LYPLA2: variants seen among roughly 807,000 people sequenced by gnomAD.
The protein encoded by LYPLA2 is acyl-protein thioesterase 2.
In LYPLA2, 7 loss-of-function variants were observed where a neutral mutation model predicts 30.3. The observed-to-expected ratio is 0.23, with a 90% CI of 0.13 to 0.43. The LOEUF (loss-of-function observed/expected upper bound fraction) is 0.43, where lower values mean the gene tolerates loss of function less well. LYPLA2 is among the 20% of genes least tolerant of loss of function. The pLI is 1.00. For missense variants in LYPLA2, 206 were observed against 307.9 expected (o/e 0.67, Z 2.48); for synonymous variants, 112 against 118.2 (o/e 0.95, Z 0.34).
rs776058100 is a variant in LYPLA2, at chr1:23,792,771, C to T, written c.78+11C>T. 5.0e-6 allele frequency: 8 copies of T among 1,609,476 alleles called. No homozygotes were observed. Among genetic ancestry groups the T allele is most frequent in the Non-Finnish European group, 5.9e-6 (7 of 1,176,752 alleles). ...CGGGAAACGGCCGCGGTAAGGGTCC[C>T]CTTTCACCCACGGCCAGACACTGTG... On this transcript the variant is annotated intron_variant, in intron 2 of 9. Coordinates refer to ENST00000374514, the MANE Select transcript of LYPLA2 (RefSeq NM_007260.3).
In LYPLA2 at chr1:23,794,860, C is replaced by G. The variant is rs971269386; in HGVS notation, c.*128C>G. On this transcript the variant is annotated 3_prime_UTR_variant, in exon 10 of 10. Transcript: ENST00000374514. The surrounding 1 kb of genome is among the most constrained non-coding windows in gnomAD (Gnocchi z 5.9). The stretch of plus-strand genomic sequence containing the variant: ...TCCTGACCTGTCCTTTTCCCACAGG[C>G]CTCTGGGGGCAGGTGGCAAGGCCTG... The G allele has an allele frequency of 1.8e-6, 2 of 1,124,336 alleles. No individual in the cohort carries two copies. Among genetic ancestry groups the G allele is most frequent in the East Asian group, 2.6e-5 (1 of 39,036 alleles). The allele number at this position is 1,124,336 out of a possible 1,614,324, so 69.6% of individuals were successfully genotyped here. A position where few individuals can be genotyped will look rare whatever the true frequency, so the allele number is the denominator to read the frequency against.
Position 23,793,639 on chromosome 1 carries a change from G to C in LYPLA2, c.177-66G>C. The C allele has an allele frequency of 1.9e-6, 3 of 1,552,536 alleles. No individual in the cohort carries two copies. Among genetic ancestry groups the C allele is most frequent in the Non-Finnish European group, 8.9e-7 (1 of 1,124,108 alleles). The stretch of plus-strand genomic sequence containing the variant: ...ACCAGGGGCGGCGCGGCCCCACTCC[G>C]GGCTCTGAGCTCTGGCCTCCTCATT... On this transcript the variant is annotated intron_variant, in intron 4 of 9. Transcript: ENST00000374514. This position sits in a 1 kb window ranked among gnomAD's most constrained non-coding sequence, Gnocchi z 6.0.
chr1:23,794,827 C>T lies in LYPLA2; in HGVS notation c.*95C>T, dbSNP rs1638896337. 3.6e-6 allele frequency: 5 copies of T among 1,402,836 alleles called. No homozygotes were observed. The highest frequency in any genetic ancestry group is 4.0e-6 in the Non-Finnish European group (4 of 1,004,436). The allele number at this position is 1,402,836 out of a possible 1,614,324, so 86.9% of individuals were successfully genotyped here. A position where few individuals can be genotyped will look rare whatever the true frequency, so the allele number is the denominator to read the frequency against. ...GATCTGAGCCGGTCGAGCCCCTGTC[C>T]CCACCCTTCCTGACCTGTCCTTTTC... On this transcript the variant is annotated 3_prime_UTR_variant, in exon 10 of 10. Transcript: ENST00000374514. The surrounding 1 kb of genome is among the most constrained non-coding windows in gnomAD (Gnocchi z 5.9).
Position 23,793,511 on chromosome 1 carries a change from G to T in LYPLA2, c.177-194G>T. ...CCCGTCACACCAAGCGCTGGGCTCT[G>T]CTTCTCCATTACTGGCGCTTTGCCC... On this transcript the variant is annotated intron_variant, in intron 4 of 9. Coordinates refer to ENST00000374514, the MANE Select transcript of LYPLA2 (RefSeq NM_007260.3). The surrounding 1 kb of genome is among the most constrained non-coding windows in gnomAD (Gnocchi z 6.0). The T allele has an allele frequency of 1.5e-6, 1 of 674,602 alleles. No homozygotes were observed. The highest frequency in any genetic ancestry group is 2.6e-6 in the Non-Finnish European group (1 of 381,432). The allele number at this position is 674,602 out of a possible 1,614,324, so 41.8% of individuals were successfully genotyped here.
At chr1:23,791,284 T>C (rs1638786051) in intron 1 of LYPLA2, 34 bp downstream of exon 1, 1 of 110,260 alleles carries the variant, frequency 9.1e-6, no homozygotes, top group African/African-American at 3.6e-5. Context: ...GATGGGCGTG[T>C]AGGGGGAGGT....
chr1:23,792,486 T>A (rs1638815950), intron 1 of LYPLA2, 171 bp from the exon 2 acceptor site: 7 of 590,178 alleles, frequency 1.2e-5, no homozygotes, highest in Admixed American at 9.0e-5. Flanking sequence ...CTTTCAGCCC[T>A]GGAACTGAGG....
intron 1 of LYPLA2, among the ~76,000 whole-genome samples, 187 bp downstream of exon 1, chr1:23,791,437 A>T (rs909262716): frequency 4.6e-5 from 7 of 152,086 alleles, no homozygotes; most frequent in Non-Finnish European, 8.8e-5. Flanking sequence ...CTGAGTATAA[A>T]GAGACAGACT....
chr1:23,792,865 C>A (rs1393013764), intron 2 of LYPLA2, 105 bp downstream of exon 2: 16 of 1,327,944 alleles, frequency 1.2e-5, no homozygotes, highest in Non-Finnish European at 1.6e-5. Flanking sequence ...CAGGGAGTAT[C>A]CTGAGGCCAG....
rs1397103010 is a variant in LYPLA2, at chr1:23,792,815, G to C, written c.78+55G>C. 3.3e-6 allele frequency: 5 copies of C among 1,503,086 alleles called. No individual in the cohort carries two copies. In the African/African-American group the frequency reaches 6.9e-5, roughly 21 times the overall value. 93.1% of individuals were successfully genotyped at this position (1,503,086 alleles called of 1,614,324 possible). On this transcript the variant is annotated intron_variant, in intron 2 of 9. Coordinates refer to ENST00000374514, the MANE Select transcript of LYPLA2 (RefSeq NM_007260.3). ...CACTGTGGGAGCAGCTGGAGGACCG[G>C]CTGGAGGGGGTGTGGGAAAATGGAG...
chr1:23,794,906 C>T lies in LYPLA2; in HGVS notation c.*174C>T. 2.6e-6 allele frequency: 2 copies of T among 763,522 alleles called. No homozygotes were observed. Among genetic ancestry groups the T allele is most frequent in the South Asian group, 3.0e-5 (2 of 67,706 alleles). 47.3% of individuals were successfully genotyped at this position (763,522 alleles called of 1,614,324 possible). A position where few individuals can be genotyped will look rare whatever the true frequency, so the allele number is the denominator to read the frequency against. On this transcript the variant is annotated 3_prime_UTR_variant, in exon 10 of 10. Transcript: ENST00000374514. The surrounding 1 kb of genome is among the most constrained non-coding windows in gnomAD (Gnocchi z 5.9). The stretch of plus-strand genomic sequence containing the variant: ...GCCTGGCCGGGCCTTCCTTCCTGGC[C>T]TTAGCCACCTGGCTCTGTCTGCAGC...
In LYPLA2 at chr1:23,793,776, C is replaced by A. The variant is rs1638852608; in HGVS notation, c.224+24C>A. 5 of 1,613,378 alleles carry A rather than the reference C, an allele frequency of 3.1e-6. No individual in the cohort carries two copies. The East Asian group carries it at 1.1e-4, about 36-fold the overall frequency. On this transcript the variant is annotated intron_variant, in intron 5 of 9. Transcript: ENST00000374514. This position sits in a 1 kb window ranked among gnomAD's most constrained non-coding sequence, Gnocchi z 6.0. ...TGGTGAGTTTGGGAGTGGGGGTGGG[C>A]AGGGGGACGAGGACACTTGGGCTGA...
Position 23,793,621 on chromosome 1 carries a change from G to C in LYPLA2, c.177-84G>C. On this transcript the variant is annotated intron_variant, in intron 4 of 9. Transcript: ENST00000374514. The surrounding 1 kb of genome is among the most constrained non-coding windows in gnomAD (Gnocchi z 6.0). ...TGCCTGCTGGGAGGGGCCACCAGGG[G>C]CGGCGCGGCCCCACTCCGGGCTCTG... is the stretch of plus-strand genomic sequence containing the variant. The C allele has an allele frequency of 2.1e-6, 3 of 1,400,820 alleles. No individual in the cohort carries two copies. Among genetic ancestry groups the C allele is most frequent in the Non-Finnish European group, 3.0e-6 (3 of 986,400 alleles). The allele number at this position is 1,400,820 out of a possible 1,614,324, so 86.8% of individuals were successfully genotyped here.
At position 23,794,720 on chromosome 1, in the gene LYPLA2, G is replaced by C. The variant is rs1212259787; in HGVS notation, c.684G>C (p.Leu228=). Residue 228 remains leucine, a synonymous_variant, in exon 10 of 10, where the codon CTG becomes CTC. Coordinates refer to ENST00000374514, the MANE Select transcript of LYPLA2 (RefSeq NM_007260.3). The surrounding 1 kb of genome is among the most constrained non-coding windows in gnomAD (Gnocchi z 5.9). ...TGAAGGAATTTCTTGAGAAGCTGCT[G>C]CCTCCTGTCTAACTAGTCGCTGGCC... is the stretch of plus-strand genomic sequence containing the variant. ...AAVKEFLEKL[L]PPV 1 of 1,614,042 alleles carries C rather than the reference G, an allele frequency of 6.2e-7. No homozygotes were observed. The highest frequency in any genetic ancestry group is 1.3e-5 in the African/African-American group (1 of 74,922).
In LYPLA2 at chr1:23,793,635, C is replaced by A. The variant is rs143256342; in HGVS notation, c.177-70C>A. The A allele has an allele frequency of 6.5e-4, 995 of 1,541,172 alleles. 7 individuals are homozygous for A. The African/African-American group carries it at 0.012, about 19-fold the overall frequency. On this transcript the variant is annotated intron_variant, in intron 4 of 9. Transcript: ENST00000374514. The surrounding 1 kb of genome is among the most constrained non-coding windows in gnomAD (Gnocchi z 6.0). ...GGCCACCAGGGGCGGCGCGGCCCCACTCCGGGCTCTGAGCTCTGGCCTCCT... is the reference window on the plus strand; with the variant it reads ...GGCCACCAGGGGCGGCGCGGCCCCAATCCGGGCTCTGAGCTCTGGCCTCCT...
rs772271450 is a variant in LYPLA2 at position 23,794,699 on chromosome 1, G to A, written c.663G>A (p.Lys221=). 1.2e-6 allele frequency: 2 copies of A among 1,614,212 alleles called. No individual in the cohort carries two copies. Among genetic ancestry groups the A allele is most frequent in the Non-Finnish European group, 1.7e-6 (2 of 1,180,022 alleles). The change falls in exon 10 of 10, where the codon AAG becomes AAA. Residue 221 remains lysine (K), a synonymous_variant. Coordinates refer to ENST00000374514, the MANE Select transcript of LYPLA2 (RefSeq NM_007260.3). The surrounding 1 kb of genome is among the most constrained non-coding windows in gnomAD (Gnocchi z 5.9). ...CCCCTCAGGAGATGGCAGCTGTGAA[G>A]GAATTTCTTGAGAAGCTGCTGCCTC... The part of the protein sequence containing the change: ...SSCPQEMAAV[K]EFLEKLLPPV
In LYPLA2 at chr1:23,792,714, T is replaced by C; in HGVS notation, c.32T>C (p.Leu11Pro). 1 of 1,612,156 alleles carries C rather than the reference T, an allele frequency of 6.2e-7. No homozygotes were observed. The highest frequency in any genetic ancestry group is 1.1e-5 in the South Asian group (1 of 91,006). The change falls in exon 2 of 10, where the codon CTC becomes CCC. Residue 11 changes from leucine (L) to proline (P), a missense_variant. By Grantham distance (98) the Leu-to-Pro change is moderately conservative. Transcript: ENST00000374514. ...GGTAACACCATGTCTGTGCCCCTGC[T>C]CACCGATGCTGCCACCGTGTCTGGA... MCGNTMSVPL[L>P]TDAATVSGAE... is the part of the protein sequence containing the mutation.
Position 23,793,875 on chromosome 1 carries a change from G to A in LYPLA2, c.240G>A (p.Gly80=), listed in dbSNP as rs1455558283. The change falls in exon 6 of 10, where the codon GGG becomes GGA. Residue 80 remains glycine (G), a synonymous_variant. Transcript: ENST00000374514. The surrounding 1 kb of genome is among the most constrained non-coding windows in gnomAD (Gnocchi z 6.0). ...TACTCCCAAGGTTTGACCTGATGGG[G>A]CTGAGTCCAGATGCCCCAGAGGACG... The part of the protein sequence containing the change: ...MVMPSWFDLM[G]LSPDAPEDEA... The A allele has an allele frequency of 1.2e-6, 2 of 1,614,006 alleles. No homozygotes were observed. The highest frequency in any genetic ancestry group is 2.2e-5 in the East Asian group (1 of 44,866).
In LYPLA2 at chr1:23,794,041, C is replaced by A; in HGVS notation, c.296-22C>A. The A allele has an allele frequency of 6.2e-7, 1 of 1,610,574 alleles. No individual in the cohort carries two copies. Among genetic ancestry groups the A allele is most frequent in the Non-Finnish European group, 8.5e-7 (1 of 1,176,846 alleles). On this transcript the variant is annotated intron_variant, in intron 6 of 9. Coordinates refer to ENST00000374514, the MANE Select transcript of LYPLA2 (RefSeq NM_007260.3). The surrounding 1 kb of genome is among the most constrained non-coding windows in gnomAD (Gnocchi z 5.9). ...GGGCCCCTTGGCAGCTTCCCTCTAC[C>A]CACTCATGCCCCCTCCCCCAGTCAA...
Position 23,793,996 on chromosome 1 carries a change from C to G in LYPLA2, c.295+66C>G. On this transcript the variant is annotated intron_variant, in intron 6 of 9. Coordinates refer to ENST00000374514, the MANE Select transcript of LYPLA2 (RefSeq NM_007260.3). This position sits in a 1 kb window ranked among gnomAD's most constrained non-coding sequence, Gnocchi z 6.0. The stretch of plus-strand genomic sequence containing the variant: ...CCCCCAGGAAAGCGCTGGGCGGTTC[C>G]TCAGCCTAGCTCCCTTATTGGGCCC... 1.9e-6 allele frequency: 3 copies of G among 1,590,366 alleles called. No individual in the cohort carries two copies. The Admixed American group carries it at 5.0e-5, about 27-fold the overall frequency.
Sources: allele counts gnomAD v4.1 joint callset (sites outside exome capture counted in the v4.1 genomes callset), GRCh38; gene constraint gnomAD v4.1.1; non-coding constraint Gnocchi (gnomAD v3.1); transcripts MANE v1.5; gene names NCBI Gene and HGNC (gene_info 2026-07-23, HGNC 2026-07-21).